SSU72: variants seen among roughly 807,000 people sequenced by gnomAD.
SSU72 encodes the protein RNA polymerase II subunit A C-terminal domain phosphatase SSU72.
A neutral mutation model predicts 22.7 loss-of-function variants in SSU72; 12 were observed. The observed-to-expected ratio is 0.53, with a 90% CI of 0.34 to 0.86. The LOEUF (loss-of-function observed/expected upper bound fraction) is 0.86, where lower values mean the gene tolerates loss of function less well. SSU72 is among the 40% of genes least tolerant of loss of function. The probability of loss-of-function intolerance (pLI) is 0.02; values close to 1 mark genes in which losing one functional copy is unlikely to be tolerated. For missense variants in SSU72, 151 were observed against 249.8 expected, an observed-to-expected ratio of 0.60 and a Z score of 2.67; for synonymous variants, 116 against 98.3, an observed-to-expected ratio of 1.18 and a Z score of -1.06.
intron 3 of SSU72, among the ~76,000 whole-genome samples, chr1:1,544,487 A>G (rs376740981): frequency 2.3e-4 from 35 of 152,196 alleles, no homozygotes; most frequent in East Asian, 9.7e-4. Context: ...GTGTGGTGGC[A>G]CACGCCTGTA....
chr1:1,568,246 C>A (rs144387017), intron 1 of SSU72, among the ~76,000 whole-genome samples: 18 of 152,316 alleles, frequency 1.2e-4, no homozygotes, highest in African/African-American at 4.1e-4. Context: ...GAAGGGCCAA[C>A]GCCTTTGTAA....
chr1:1,556,954 C>G (rs569729752), intron 2 of SSU72, among the ~76,000 whole-genome samples: 3 of 152,362 alleles, frequency 2.0e-5, no homozygotes, highest in Non-Finnish European at 4.4e-5. Flanking sequence ...ATGAGAAGAG[C>G]AGGCCAGTAT....
chr1:1,559,802 C>T (rs1000033620), intron 2 of SSU72, among the ~76,000 whole-genome samples: 6 of 152,130 alleles, frequency 3.9e-5, no homozygotes, highest in Admixed American at 2.0e-4. Flanking sequence ...CTTCGGCTCA[C>T]GGCAACCTCC....
rs1642330729 is a variant in SSU72, at chr1:1,542,243, G to GA, written c.484-77dup. 5 of 1,394,186 alleles carry GA rather than the reference G, an allele frequency of 3.6e-6. No individual in the cohort carries two copies. The highest frequency in any genetic ancestry group is 2.0e-5 in the Admixed American group (1 of 50,500). The allele number at this position is 1,394,186 out of a possible 1,614,324, so 86.4% of individuals were successfully genotyped here. On this transcript the variant is annotated intron_variant, in intron 4 of 4. Coordinates refer to ENST00000291386, the MANE Select transcript of SSU72 (RefSeq NM_014188.3). This position sits in a 1 kb window ranked among gnomAD's most constrained non-coding sequence, Gnocchi z 4.4. ...TCCCCCTAACACCTGGATCGCCAGG[G>GA]AAACGCCAGGCCTGAGCCAGCAGAA...
At chr1:1,558,976 G>A (rs879530137) in intron 2 of SSU72, among the ~76,000 whole-genome samples, 23 of 152,226 alleles carry the variant, frequency 1.5e-4, no homozygotes, top group South Asian at 2.1e-4. Context: ...AAAAAATCCT[G>A]CAAGAAAGCT....
intron 2 of SSU72, among the ~76,000 whole-genome samples, chr1:1,547,577 C>A (rs951077252): frequency 2.0e-5 from 3 of 152,200 alleles, no homozygotes; most frequent in Non-Finnish European, 2.9e-5. Flanking sequence ...ACAGACCAAG[C>A]CATGAGCTCA....
At chr1:1,569,084 G>C (rs1391711851) in intron 1 of SSU72, among the ~76,000 whole-genome samples, 1 of 151,914 alleles carries the variant, frequency 6.6e-6, no homozygotes, top group Non-Finnish European at 1.5e-5. Context: ...TGAGGCAGGA[G>C]AATCGCTTGA....
chr1:1,563,149 T>C (rs1307276689), intron 2 of SSU72: 2 of 152,302 alleles, frequency 1.3e-5, no homozygotes, highest in Non-Finnish European at 2.9e-5. Flanking sequence ...ATGGCTAGGA[T>C]GCAGTTCTAG....
In SSU72 at chr1:1,543,916, C is replaced by A; in HGVS notation, c.436G>T (p.Glu146Ter). 2 of 1,614,022 alleles carry A rather than the reference C, an allele frequency of 1.2e-6. No individual in the cohort carries two copies. The highest frequency in any genetic ancestry group is 1.7e-6 in the Non-Finnish European group (2 of 1,179,972). Residue 146 changes from glutamate (E) to a stop codon, truncating the protein, a stop_gained, in exon 4 of 5, where the codon GAG becomes TAG. Transcript: ENST00000291386. LOFTEE classifies it high-confidence loss of function. ...AGAAACGCCCCCAGGGTGGCCTCCT[C>A]GTGGTTGTCCTGGATGTCCACATTG... ...VVNVDIQDNH[E>*]EATLGAFLIC...
intron 1 of SSU72, among the ~76,000 whole-genome samples, chr1:1,570,760 G>A (rs994334006): frequency 4.6e-5 from 7 of 152,248 alleles, no homozygotes; most frequent in African/African-American, 1.7e-4. Context: ...CATGGAGACA[G>A]ACGGACACCA....
At chr1:1,544,688 G>A (rs777004634) in intron 3 of SSU72, 175 bp downstream of exon 3, 30 of 767,450 alleles carry the variant, frequency 3.9e-5, no homozygotes, top group Non-Finnish European at 5.3e-5. Context: ...GCCAGCACAT[G>A]GGTGGTTCAG....
intron 1 of SSU72, 149 bp downstream of exon 1, chr1:1,574,329 G>A (rs1049195230): frequency 6.5e-6 from 5 of 772,594 alleles, no homozygotes; most frequent in Middle Eastern, 3.3e-4. Context: ...GCGCGCTGCC[G>A]TCCAGCTGCC....
chr1:1,566,492 T>C lies in SSU72; in HGVS notation c.81-1576A>G, dbSNP rs555376523. Among the ~76,000 whole-genome samples, 4 of 152,320 alleles carry C rather than the reference T, an allele frequency of 2.6e-5. No homozygotes were observed. In the East Asian group the frequency reaches 7.7e-4, roughly 29 times the overall value. Reference sequence around the variant, plus strand: ...GGCCTGTCATTCTTGTTCAGAAAAGTGCTGCTGCTTCGCTCTTGAGCAAGA... The same window carrying C: ...GGCCTGTCATTCTTGTTCAGAAAAGCGCTGCTGCTTCGCTCTTGAGCAAGA... On this transcript the variant is annotated intron_variant, in intron 1 of 4. Coordinates refer to ENST00000291386, the MANE Select transcript of SSU72 (RefSeq NM_014188.3).
At chr1:1,545,513 AG>A (rs1338419787) in intron 2 of SSU72, 1 of 154,392 alleles carries the variant, frequency 6.5e-6, no homozygotes, top group Non-Finnish European at 1.4e-5. Flanking sequence ...GAAAACCCAA[AG>A]AAAGGAAGCT....
At chr1:1,567,227 G>A (rs936185028) in intron 1 of SSU72, among the ~76,000 whole-genome samples, 22 of 152,284 alleles carry the variant, frequency 1.4e-4, no homozygotes, top group African/African-American at 4.1e-4. Flanking sequence ...CACCACACAC[G>A]TCACCCACAC....
intron 2 of SSU72, among the ~76,000 whole-genome samples, chr1:1,555,916 GC>G (rs1642515176): frequency 6.6e-6 from 1 of 152,110 alleles, no homozygotes; most frequent in Non-Finnish European, 1.5e-5. Context: ...GGAGGATTGA[GC>G]CCAGGGACAT....
At chr1:1,563,011 A>G (rs2100717877) in intron 2 of SSU72, 1 of 152,532 alleles carries the variant, frequency 6.6e-6, no homozygotes, top group Non-Finnish European at 1.5e-5. Flanking sequence ...GGACGCCCAG[A>G]TGGCTCGGCA....
At chr1:1,562,116 A>G (rs1428263795) in intron 2 of SSU72, 1 of 152,228 alleles carries the variant, frequency 6.6e-6, no homozygotes, top group Non-Finnish European at 1.5e-5. Context: ...GTCCTTCCGG[A>G]TGAGACTGCT....
intron 2 of SSU72, among the ~76,000 whole-genome samples, chr1:1,560,562 G>C (rs2100715947): frequency 6.6e-6 from 1 of 152,292 alleles, no homozygotes; most frequent in Admixed American, 6.5e-5. Context: ...GGCTTGTGGG[G>C]GAAAAGACCA....
Sources: allele counts gnomAD v4.1 joint callset (sites outside exome capture counted in the v4.1 genomes callset), GRCh38; gene constraint gnomAD v4.1.1; non-coding constraint Gnocchi (gnomAD v3.1); transcripts MANE v1.5; gene names NCBI Gene and HGNC (gene_info 2026-07-23, HGNC 2026-07-21).